Variants in GCH1 observed in about 807,000 individuals in gnomAD.
GCH1 encodes GTP cyclohydrolase I.
Under a neutral mutation model 25.9 loss-of-function variants are expected in GCH1, and 5 were observed. The observed-to-expected ratio is 0.19, with a 90% CI of 0.10 to 0.41. The LOEUF is 0.41. GCH1 is among the 10% of genes least tolerant of loss of function. The pLI, the probability that GCH1 is intolerant of heterozygous loss-of-function variation, is 1.00. For missense variants in GCH1, 261 were observed against 336.5 expected (o/e 0.78, Z 1.75); for synonymous variants, 159 against 129.6 (o/e 1.23, Z -1.54).
At chr14:54,894,795 T>C (rs1444959899) in intron 1 of GCH1, among the ~76,000 whole-genome samples, 2 of 152,212 alleles carry the variant, frequency 1.3e-5, no homozygotes, top group Non-Finnish European at 2.9e-5. Flanking sequence ...TTTCTGGCAA[T>C]GAACACAACT....
chr14:54,878,921 C>G (rs187754393), intron 1 of GCH1, among the ~76,000 whole-genome samples: 5 of 152,184 alleles, frequency 3.3e-5, no homozygotes, highest in Admixed American at 2.6e-4. Context: ...GCCACCATAT[C>G]CAGTTAATTT....
chr14:54,894,943 T>C (rs1360686298), intron 1 of GCH1, among the ~76,000 whole-genome samples: 14 of 152,212 alleles, frequency 9.2e-5, no homozygotes, highest in Admixed American at 6.5e-4. Flanking sequence ...AAACTTGGGA[T>C]ATAAACTCAC....
intron 2 of GCH1, among the ~76,000 whole-genome samples, chr14:54,859,992 G>T (rs372857247): frequency 1.2e-4 from 19 of 152,226 alleles, no homozygotes; most frequent in African/African-American, 4.1e-4. Flanking sequence ...TTGTACAGTT[G>T]TCCGTTGGTA....
chr14:54,891,181 C>T (rs1180826686), intron 1 of GCH1, among the ~76,000 whole-genome samples: 2 of 152,160 alleles, frequency 1.3e-5, no homozygotes, highest in African/African-American at 4.8e-5. Flanking sequence ...CGGCTCACTG[C>T]AACCTTCGGC....
At chr14:54,855,434 A>AGGTGGAG (rs368291692) in intron 3 of GCH1, among the ~76,000 whole-genome samples, 5,344 of 141,242 alleles carry the variant, frequency 0.038, 311 homozygotes, top group African/African-American at 0.13. Context: ...TGAACCCAGG[A>AGGTGGAG]GGTGGAGGCT....
chr14:54,845,848 C>T lies in GCH1; in HGVS notation c.546G>A (p.Gln182=). The change falls in exon 5 of 6, where the codon CAG becomes CAA. Residue 182 remains glutamine, a synonymous_variant. Transcript: ENST00000491895. ...CAGCAATTTGTTTTGTAAGGCGCTCCTGAACTGTGGATGTGATAAGGAGCT... is the reference window on the plus strand; with the variant it reads ...CAGCAATTTGTTTTGTAAGGCGCTCTTGAACTGTGGATGTGATAAGGAGCT... ...VEIYSRRLQV[Q]ERLTKQIAVA... 10 of 1,589,182 alleles carry T rather than the reference C, an allele frequency of 6.3e-6. No individual in the cohort carries two copies. The highest frequency in any genetic ancestry group is 8.6e-6 in the Non-Finnish European group (10 of 1,157,228).
At chr14:54,898,782 GCTA>G (rs1170198705) in intron 1 of GCH1, among the ~76,000 whole-genome samples, 1 of 152,032 alleles carries the variant, frequency 6.6e-6, no homozygotes, top group African/African-American at 2.4e-5. Flanking sequence ...ACCACATCTG[GCTA>G]ATTTTTACAT....
At chr14:54,888,583 G>A (rs548886987) in intron 1 of GCH1, among the ~76,000 whole-genome samples, 2 of 150,782 alleles carry the variant, frequency 1.3e-5, no homozygotes, top group East Asian at 1.9e-4. Context: ...CATGATCTCC[G>A]CTCACTGCAA....
chr14:54,848,399 TG>T (rs1362124554), intron 3 of GCH1, among the ~76,000 whole-genome samples: 7 of 152,214 alleles, frequency 4.6e-5, no homozygotes, highest in Non-Finnish European at 8.8e-5. Flanking sequence ...TCTCCCAAAA[TG>T]CTAGGATTAC....
At chr14:54,884,139 T>C (rs2040313347) in intron 1 of GCH1, among the ~76,000 whole-genome samples, 2 of 152,200 alleles carry the variant, frequency 1.3e-5, no homozygotes, top group Admixed American at 1.3e-4. Flanking sequence ...CAACTTGAGA[T>C]CTGCAGAAAT....
chr14:54,868,025 G>T (rs961875358), intron 1 of GCH1, among the ~76,000 whole-genome samples: 1 of 152,086 alleles, frequency 6.6e-6, no homozygotes. Context: ...CATGAGAAGG[G>T]CACATCACCT....
At chr14:54,878,110 G>A (rs980020641) in intron 1 of GCH1, 3 of 154,772 alleles carry the variant, frequency 1.9e-5, no homozygotes, top group Admixed American at 6.5e-5. Flanking sequence ...TGGAGAAAGT[G>A]AGGGAAAAAG....
Position 54,902,305 on chromosome 14 carries a change from CCG to C in GCH1, c.343+14_343+15del, listed in dbSNP as rs2040578915. 1.9e-6 allele frequency: 3 copies of C among 1,610,716 alleles called. No homozygotes were observed. Among genetic ancestry groups the C allele is most frequent in the Non-Finnish European group, 2.5e-6 (3 of 1,179,170 alleles). ...CCCGCCGCCCGCACGCTCTAGCAGC[CCG>C]CGGGCGCACTGACCTGAGATGGTCT... On this transcript the variant is annotated intron_variant, in intron 1 of 5. Transcript: ENST00000491895.
In GCH1 at chr14:54,843,733, T is replaced by A. The variant is rs2039594746; in HGVS notation, c.*284A>T. 6.2e-6 allele frequency: 10 copies of A among 1,612,840 alleles called. No homozygotes were observed. The highest frequency in any genetic ancestry group is 7.6e-6 in the Non-Finnish European group (9 of 1,179,734). On this transcript the variant is annotated 3_prime_UTR_variant, in exon 6 of 6. Transcript: ENST00000491895. ...AAAAAAATACACTAATTCTTCTCCCTTCCCAGGCCCCTCTGGTTATCTGGC... is the reference window on the plus strand; with the variant it reads ...AAAAAAATACACTAATTCTTCTCCCATCCCAGGCCCCTCTGGTTATCTGGC...
chr14:54,883,789 C>T (rs2040308723), intron 1 of GCH1, among the ~76,000 whole-genome samples: 1 of 152,198 alleles, frequency 6.6e-6, no homozygotes, highest in African/African-American at 2.4e-5. Context: ...ACCCTCACTA[C>T]AGTCACCACG....
intron 2 of GCH1, among the ~76,000 whole-genome samples, chr14:54,862,593 G>GTTTT (rs112283632): frequency 0.012 from 1,217 of 97,416 alleles, 32 homozygotes; most frequent in African/African-American, 0.041. Context: ...ATTGGTTTTC[G>GTTTT]TTTTTTTTTT....
chr14:54,857,386 C>G (rs1295758755), intron 3 of GCH1, among the ~76,000 whole-genome samples: 1 of 152,146 alleles, frequency 6.6e-6, no homozygotes, highest in African/African-American at 2.4e-5. Context: ...GTCCATTTCC[C>G]ATAAAGTGTT....
intron 1 of GCH1, 107 bp downstream of exon 1, chr14:54,902,214 T>G (rs1173421748): frequency 1.6e-6 from 2 of 1,268,482 alleles, no homozygotes; most frequent in African/African-American, 1.5e-5. Context: ...CCCGGCTTCC[T>G]GCGCCAAAAG....
At chr14:54,860,452 C>T (rs920143443) in intron 2 of GCH1, among the ~76,000 whole-genome samples, 12 of 152,036 alleles carry the variant, frequency 7.9e-5, no homozygotes, top group African/African-American at 1.7e-4. Flanking sequence ...AAGATCCCAC[C>T]GCAAAGCCCT....
Sources: gnomAD v4.1 joint callset for allele counts (sites outside exome capture counted in the v4.1 genomes callset) on GRCh38, gnomAD v4.1.1 for gene constraint, MANE v1.5 for transcripts, NCBI Gene and HGNC (gene_info 2026-07-23, HGNC 2026-07-21) for gene names.